The following TEAD4 variants were observed in gnomAD, a reference collection of about 807,000 sequenced individuals.
TEAD4 encodes transcriptional enhancer factor TEF-3.
TEAD4 carries 36 observed loss-of-function variants against 52.4 expected under a neutral mutation model. The observed-to-expected ratio is 0.69, with a 90% CI of 0.53 to 0.91. TEAD4 has a LOEUF of 0.91. Ranked by LOEUF, TEAD4 falls within the 40% of genes least tolerant of loss-of-function variation. The probability of loss-of-function intolerance (pLI) is 0.00; values close to 1 mark genes in which losing one functional copy is unlikely to be tolerated. For missense variants in TEAD4, 508 were observed against 583.9 expected (o/e 0.87, Z 1.34); for synonymous variants, 220 against 231.0 (o/e 0.95, Z 0.43).
chr12:3,012,713 G>A (rs943298930), intron 5 of TEAD4, among the ~76,000 whole-genome samples: 24 of 152,174 alleles, frequency 1.6e-4, no homozygotes, highest in African/African-American at 5.3e-4. Context: ...GCCCCGTCTT[G>A]CAGGGCCTCT....
At chr12:3,020,841 G>GTCTTGCCCCACTCCATGCTGGGGC in intron 9 of TEAD4, 68 bp downstream of exon 9, 3 of 1,447,752 alleles carry the variant, frequency 2.1e-6, no homozygotes, top group Non-Finnish European at 2.7e-6. Context: ...GCTTCCGGCA[G>GTCTTGCCCCACTCCATGCTGGGGC]TCTTGCCCCA....
intron 2 of TEAD4, among the ~76,000 whole-genome samples, chr12:2,964,459 CT>C (rs768389942): frequency 4.2e-3 from 582 of 140,150 alleles, no homozygotes; most frequent in Non-Finnish European, 4.4e-3. Flanking sequence ...TTCTTTCTTT[CT>C]TTTTTTTTTT....
intron 2 of TEAD4, among the ~76,000 whole-genome samples, chr12:2,984,683 T>C (rs1286249947): frequency 6.6e-6 from 1 of 152,214 alleles, no homozygotes; most frequent in Non-Finnish European, 1.5e-5. Context: ...TATAAATCTG[T>C]ACAGCATGTG....
chr12:3,019,822 G>A (rs2153957336), intron 8 of TEAD4, among the ~76,000 whole-genome samples: 1 of 152,208 alleles, frequency 6.6e-6, no homozygotes, highest in East Asian at 1.9e-4. Flanking sequence ...TGTCCCCCAG[G>A]TCCTGAAGGC....
intron 5 of TEAD4, 123 bp downstream of exon 5, chr12:3,012,355 A>G (rs1245683573): frequency 8.9e-7 from 1 of 1,118,050 alleles, no homozygotes; most frequent in East Asian, 2.6e-5. Flanking sequence ...TCTGTTGAGG[A>G]GAGCCAGGTT....
chr12:2,978,009 C>T (rs1275784335), intron 2 of TEAD4, among the ~76,000 whole-genome samples: 1 of 152,200 alleles, frequency 6.6e-6, no homozygotes, highest in Non-Finnish European at 1.5e-5. Flanking sequence ...CTTTCCTTCT[C>T]CACCAATCCC....
Position 3,029,758 on chromosome 12 carries a change from C to T in TEAD4, c.897+7741C>T, listed in dbSNP as rs187453316. Among the ~76,000 whole-genome samples, 19 of 152,226 alleles carry T rather than the reference C, an allele frequency of 1.2e-4. No homozygotes were observed. The East Asian group carries it at 3.5e-3, about 28-fold the overall frequency. ...ATGATGTCCAGTTTATCAAGTTTTC[C>T]TTTTGTTATTTGTTCTGGTTATATT... On this transcript the variant is annotated intron_variant, in intron 10 of 12. Coordinates refer to ENST00000359864, the MANE Select transcript of TEAD4 (RefSeq NM_003213.4).
chr12:2,972,946 C>G (rs946601428), intron 2 of TEAD4, among the ~76,000 whole-genome samples: 5 of 152,190 alleles, frequency 3.3e-5, no homozygotes, highest in Non-Finnish European at 5.9e-5. Flanking sequence ...AAGGTAAAGA[C>G]TGTTCCATCC....
intron 5 of TEAD4, among the ~76,000 whole-genome samples, chr12:3,015,313 T>C (rs1297188733): frequency 2.0e-5 from 3 of 152,168 alleles, no homozygotes; most frequent in African/African-American, 4.8e-5. Flanking sequence ...CTCAGCACCC[T>C]AGTCACCCAA....
At chr12:2,982,196 A>G (rs376024152) in intron 2 of TEAD4, among the ~76,000 whole-genome samples, 1 of 152,032 alleles carries the variant, frequency 6.6e-6, no homozygotes. Flanking sequence ...TTTTTGGAGG[A>G]GCTTACTGTT....
chr12:2,961,758 C>T (rs777198271), intron 2 of TEAD4, among the ~76,000 whole-genome samples: 10 of 152,124 alleles, frequency 6.6e-5, no homozygotes, highest in East Asian at 1.9e-4. Flanking sequence ...GTGTTTCCTT[C>T]GCTTATTTCA....
intron 4 of TEAD4, among the ~76,000 whole-genome samples, chr12:3,011,465 C>T (rs2098260286): frequency 6.6e-6 from 1 of 152,112 alleles, no homozygotes; most frequent in East Asian, 1.9e-4. Flanking sequence ...TTCCTGACCT[C>T]ATGTAATCCA....
rs551105521 is a variant in TEAD4 at position 3,020,527 on chromosome 12, C to T, written c.584-107C>T. 9 of 1,342,070 alleles carry T rather than the reference C, an allele frequency of 6.7e-6. No homozygotes were observed. The Admixed American group carries it at 8.5e-5, about 13-fold the overall frequency. 83.1% of individuals were successfully genotyped at this position (1,342,070 alleles called of 1,614,324 possible). ...GTCCATTTAGGGAGACAGGCGGTCC[C>T]CCCAGGCAGCACGGGTCTGTCCGAG... On this transcript the variant is annotated intron_variant, in intron 8 of 12. Transcript: ENST00000359864.
At chr12:3,038,843 G>A (rs1422030162) in intron 11 of TEAD4, among the ~76,000 whole-genome samples, 1 of 152,212 alleles carries the variant, frequency 6.6e-6, no homozygotes, top group African/African-American at 2.4e-5. Context: ...AGCACCCTGT[G>A]TTCTGGGCCC....
intron 10 of TEAD4, among the ~76,000 whole-genome samples, chr12:3,022,268 G>C (rs1322664186): frequency 6.6e-6 from 1 of 152,204 alleles, no homozygotes; most frequent in Non-Finnish European, 1.5e-5. Context: ...GCTAAGCCGG[G>C]CTAACAGTGG....
At chr12:3,010,940 A>AC in intron 3 of TEAD4, 64 bp from the exon 4 acceptor site, 3 of 1,586,872 alleles carry the variant, frequency 1.9e-6, no homozygotes, top group Non-Finnish European at 2.6e-6. Flanking sequence ...GGTACCCCGC[A>AC]CCCCCTCACT....
At chr12:3,016,396 A>G (rs1010164774) in intron 5 of TEAD4, among the ~76,000 whole-genome samples, 6 of 152,182 alleles carry the variant, frequency 3.9e-5, no homozygotes, top group African/African-American at 1.4e-4. Flanking sequence ...ATAAAGCTGC[A>G]GACAGTGAAT....
rs568657091 is a variant in TEAD4, at chr12:2,986,679, A to G, written c.-29-8059A>G. 4.6e-5 allele frequency among the ~76,000 whole-genome samples: 7 copies of G among 152,120 alleles called. No individual in the cohort carries two copies. In the South Asian group the frequency reaches 1.2e-3, roughly 27 times the overall value. On this transcript the variant is annotated intron_variant, in intron 2 of 12. Transcript: ENST00000359864. ...AATAAATAAATAAAATAGATATAAT[A>G]AAAAGAGACGACAAAAAGTATAGTA...
At chr12:2,970,146 C>T (rs185592426) in intron 2 of TEAD4, among the ~76,000 whole-genome samples, 16 of 152,280 alleles carry the variant, frequency 1.1e-4, no homozygotes, top group Admixed American at 1.3e-4. Flanking sequence ...ATCATTTTAA[C>T]GTAATCAATA....
Sources: gnomAD v4.1 joint callset for allele counts (sites outside exome capture counted in the v4.1 genomes callset) on GRCh38, gnomAD v4.1.1 for gene constraint, MANE v1.5 for transcripts, NCBI Gene and HGNC (gene_info 2026-07-23, HGNC 2026-07-21) for gene names.